The following TNFAIP8L1 variants were observed in gnomAD, a reference collection of about 807,000 sequenced individuals.
TNFAIP8L1 encodes tumor necrosis factor alpha-induced protein 8-like protein 1.
For missense variants in TNFAIP8L1, 225 were observed against 266.1 expected, an observed-to-expected ratio of 0.85 and a Z score of 1.08; for synonymous variants, 127 against 125.6, an observed-to-expected ratio of 1.01 and a Z score of -0.08.
chr19:4,649,949 C>T (rs1403729692), intron 1 of TNFAIP8L1, among the ~76,000 whole-genome samples: 1 of 152,238 alleles, frequency 6.6e-6, no homozygotes, highest in East Asian at 1.9e-4. Context: ...TGGGTGCCCA[C>T]ATGGCATTCC....
rs1373107046 is a variant in TNFAIP8L1, at chr19:4,653,846, G to C, written c.*1416G>C. On this transcript the variant is annotated 3_prime_UTR_variant, in exon 2 of 2. Coordinates refer to ENST00000327473, the MANE Select transcript of TNFAIP8L1 (RefSeq NM_152362.3). Reference sequence around the variant, plus strand: ...TAATCCCAGCTACTTGAGAGATGACGAGGGAAGATCACTTGAGCCCAGGAG... The same window carrying C: ...TAATCCCAGCTACTTGAGAGATGACCAGGGAAGATCACTTGAGCCCAGGAG... 6.6e-6 allele frequency: 1 copy of C among 150,448 alleles called. No individual in the cohort carries two copies. Among genetic ancestry groups the C allele is most frequent in the East Asian group, 1.9e-4 (1 of 5,160 alleles). The allele number at this position is 150,448 out of a possible 1,614,324, so 9.3% of individuals were successfully genotyped here. A position where few individuals can be genotyped will look rare whatever the true frequency, so the allele number is the denominator to read the frequency against.
At chr19:4,647,751 T>C (rs929073804) in intron 1 of TNFAIP8L1, among the ~76,000 whole-genome samples, 1 of 151,392 alleles carries the variant, frequency 6.6e-6, no homozygotes, top group African/African-American at 2.4e-5. Context: ...GCCTCCCGAG[T>C]ACCTGGGACC....
chr19:4,644,717 A>G (rs2088294051), intron 1 of TNFAIP8L1, among the ~76,000 whole-genome samples: 1 of 146,274 alleles, frequency 6.8e-6, no homozygotes, highest in Admixed American at 7.1e-5. Flanking sequence ...GAGTCTCGTG[A>G]CGCAGCCTCC....
chr19:4,648,924 CTTTTTTTTTT>C (rs10526236), intron 1 of TNFAIP8L1, among the ~76,000 whole-genome samples: 8 of 132,466 alleles, frequency 6.0e-5, no homozygotes, highest in Non-Finnish European at 1.1e-4. Flanking sequence ...TGCAAACATC[CTTTTTTTTTT>C]TTTTTTTTTT....
At position 4,653,991 on chromosome 19, in the gene TNFAIP8L1, A is replaced by G. The variant is rs2088399050; in HGVS notation, c.*1561A>G. 6.6e-6 allele frequency: 1 copy of G among 152,254 alleles called. No individual in the cohort carries two copies. The highest frequency in any genetic ancestry group is 6.6e-5 in the Admixed American group (1 of 15,252). 9.4% of individuals were successfully genotyped at this position (152,254 alleles called of 1,614,324 possible). A position where few individuals can be genotyped will look rare whatever the true frequency, so the allele number is the denominator to read the frequency against. On this transcript the variant is annotated 3_prime_UTR_variant, in exon 2 of 2. Coordinates refer to ENST00000327473, the MANE Select transcript of TNFAIP8L1 (RefSeq NM_152362.3). ...CACAGACATGCATGCAAGGAAGGCC[A>G]ATGATGCCGGCCACCACCAGGAGCT...
intron 1 of TNFAIP8L1, among the ~76,000 whole-genome samples, chr19:4,651,052 G>A (rs932726766): frequency 1.3e-5 from 2 of 151,898 alleles, no homozygotes; most frequent in Non-Finnish European, 2.9e-5. Context: ...GGGGGCAGTG[G>A]GACTGGAGGC....
chr19:4,652,472 C>G lies in TNFAIP8L1; in HGVS notation c.*42C>G, dbSNP rs747318018. Reference sequence around the variant, plus strand: ...ACCGCGCCCCTCGCGCCTTTTGGGGCTCTCCTGCTGGGCGCGGGTGGGGTT... The same window carrying G: ...ACCGCGCCCCTCGCGCCTTTTGGGGGTCTCCTGCTGGGCGCGGGTGGGGTT... On this transcript the variant is annotated 3_prime_UTR_variant, in exon 2 of 2. Coordinates refer to ENST00000327473, the MANE Select transcript of TNFAIP8L1 (RefSeq NM_152362.3). The G allele has an allele frequency of 3.2e-5, 47 of 1,465,934 alleles. No individual in the cohort carries two copies. The East Asian group carries it at 1.2e-3, about 37-fold the overall frequency. 90.8% of individuals were successfully genotyped at this position (1,465,934 alleles called of 1,614,324 possible). A position where few individuals can be genotyped will look rare whatever the true frequency, so the allele number is the denominator to read the frequency against.
In TNFAIP8L1 at chr19:4,655,083, TCG is replaced by T. The variant is rs1049102465; in HGVS notation, c.*2655_*2656del. 1 of 152,218 alleles carries T rather than the reference TCG, an allele frequency of 6.6e-6. No individual in the cohort carries two copies. Among genetic ancestry groups the T allele is most frequent in the African/African-American group, 2.4e-5 (1 of 41,450 alleles). The allele number at this position is 152,218 out of a possible 1,614,324, so 9.4% of individuals were successfully genotyped here. A position where few individuals can be genotyped will look rare whatever the true frequency, so the allele number is the denominator to read the frequency against. On this transcript the variant is annotated 3_prime_UTR_variant, in exon 2 of 2. Coordinates refer to ENST00000327473, the MANE Select transcript of TNFAIP8L1 (RefSeq NM_152362.3). Reference sequence around the variant, plus strand: ...TGGATTTGGAGTTTCTCTTGAAAACTCGCCAGTCCGGCCGTCTGAGCCTGCAC... The same window carrying T: ...TGGATTTGGAGTTTCTCTTGAAAACTCCAGTCCGGCCGTCTGAGCCTGCAC...
chr19:4,652,167 A>T lies in TNFAIP8L1; in HGVS notation c.298A>T (p.Thr100Ser). The change falls in exon 2 of 2, where the codon ACG becomes TCG. Residue 100 changes from threonine to serine, a missense_variant. Physicochemically the swap from Thr to Ser is moderately conservative, Grantham distance 58. Coordinates refer to ENST00000327473, the MANE Select transcript of TNFAIP8L1 (RefSeq NM_152362.3). ...FRHRARCLAM[T>S]AVSFHQVDFT... is the part of the protein sequence containing the mutation. ...CCACCGGGCGCGCTGCCTGGCCATG[A>T]CGGCCGTCAGCTTCCACCAGGTGGA... The T allele has an allele frequency of 3.2e-6, 5 of 1,552,478 alleles. No homozygotes were observed. The South Asian group carries it at 5.9e-5, about 18-fold the overall frequency.
intron 1 of TNFAIP8L1, among the ~76,000 whole-genome samples, chr19:4,650,175 G>A (rs1042220172): frequency 3.9e-5 from 6 of 152,212 alleles, no homozygotes; most frequent in Non-Finnish European, 7.3e-5. Context: ...CAGACCAGTT[G>A]GGGTGCAGAG....
chr19:4,651,978 G>T lies in TNFAIP8L1; in HGVS notation c.109G>T (p.Glu37Ter). Reference sequence around the variant, plus strand: ...CGTGCTGGTGGATGACACCAGCAGTGAGGTGCTGGATGAGCTGTACCGCGC... The same window carrying T: ...CGTGCTGGTGGATGACACCAGCAGTTAGGTGCTGGATGAGCTGTACCGCGC... ...VAVLVDDTSS[E>*]VLDELYRATR... The change falls in exon 2 of 2, where the codon GAG becomes TAG. Residue 37 changes from glutamate to a stop codon, truncating the protein, a stop_gained. Transcript: ENST00000327473. LOFTEE classifies it low-confidence loss of function (END_TRUNC). 1 of 1,614,136 alleles carries T rather than the reference G, an allele frequency of 6.2e-7. No homozygotes were observed. The highest frequency in any genetic ancestry group is 8.5e-7 in the Non-Finnish European group (1 of 1,180,006).
At chr19:4,647,799 A>G (rs2363266) in intron 1 of TNFAIP8L1, among the ~76,000 whole-genome samples, 5 of 149,710 alleles carry the variant, frequency 3.3e-5, no homozygotes. Flanking sequence ...ATTAAAAAAA[A>G]TTTTTTTTTG....
intron 1 of TNFAIP8L1, among the ~76,000 whole-genome samples, chr19:4,643,108 A>G (rs150293644): frequency 4.6e-5 from 7 of 151,826 alleles, no homozygotes; most frequent in African/African-American, 1.2e-4. Flanking sequence ...GTGAAACCCC[A>G]TCTCTACTAA....
chr19:4,640,250 G>A (rs936859108), intron 1 of TNFAIP8L1: 1 of 152,302 alleles, frequency 6.6e-6, no homozygotes, highest in Admixed American at 6.5e-5. Flanking sequence ...GGGAAACTAA[G>A]GCCTAGAAAG....
Position 4,652,195 on chromosome 19 carries a change from T to A in TNFAIP8L1, c.326T>A (p.Phe109Tyr). The A allele has an allele frequency of 6.5e-7, 1 of 1,546,380 alleles. No individual in the cohort carries two copies. Among genetic ancestry groups the A allele is most frequent in the Non-Finnish European group, 8.7e-7 (1 of 1,147,394 alleles). The change falls in exon 2 of 2, where the codon TTC becomes TAC. Residue 109 changes from phenylalanine (F) to tyrosine (Y), a missense_variant. Physicochemically the swap from Phe to Tyr is conservative, Grantham distance 22. Transcript: ENST00000327473. The part of the protein sequence containing the change: ...MTAVSFHQVD[F>Y]TFDRRVLAAG... ...GCCGTCAGCTTCCACCAGGTGGACT[T>A]CACCTTCGACCGGCGCGTGCTGGCC...
At position 4,651,858 on chromosome 19, in the gene TNFAIP8L1, C is replaced by T. The variant is rs777811211; in HGVS notation, c.-3-9C>T. On this transcript the variant is annotated splice_polypyrimidine_tract_variant and intron_variant, in intron 1 of 1. Coordinates refer to ENST00000327473, the MANE Select transcript of TNFAIP8L1 (RefSeq NM_152362.3). ...TGCAAAACTGAGGGCTGGTCTGTGT[C>T]CCCCGCAGGCCATGGACACCTTCAG... 9 of 1,586,570 alleles carry T rather than the reference C, an allele frequency of 5.7e-6. No individual in the cohort carries two copies. The Admixed American group carries it at 1.0e-4, about 18-fold the overall frequency.
intron 1 of TNFAIP8L1, among the ~76,000 whole-genome samples, chr19:4,644,980 G>C (rs944072726): frequency 6.6e-6 from 1 of 152,168 alleles, no homozygotes; most frequent in African/African-American, 2.4e-5. Context: ...CACTGGCCTC[G>C]GCGGGAAGAG....
chr19:4,650,320 G>C (rs1456455899), intron 1 of TNFAIP8L1, among the ~76,000 whole-genome samples: 1 of 151,990 alleles, frequency 6.6e-6, no homozygotes, highest in Non-Finnish European at 1.5e-5. Flanking sequence ...GCTTTGGGGG[G>C]TGTATAGGAG....
rs745903633 is a variant in TNFAIP8L1 at position 4,652,305 on chromosome 19, G to C, written c.436G>C (p.Val146Leu). The C allele has an allele frequency of 1.3e-6, 2 of 1,563,372 alleles. No homozygotes were observed. The highest frequency in any genetic ancestry group is 1.4e-5 in the African/African-American group (1 of 73,490). Residue 146 changes from valine to leucine, a missense_variant, in exon 2 of 2, where the codon GTG becomes CTG. Coordinates refer to ENST00000327473, the MANE Select transcript of TNFAIP8L1 (RefSeq NM_152362.3). ...TAKSHGRINH[V>L]FGHLADCDFL... The stretch of plus-strand genomic sequence containing the variant: ...CAAGTCCCACGGCCGCATCAACCAC[G>C]TGTTCGGCCACCTAGCCGACTGCGA...
Sources: gnomAD v4.1 joint callset for allele counts (sites outside exome capture counted in the v4.1 genomes callset) on GRCh38, gnomAD v4.1.1 for gene constraint, MANE v1.5 for transcripts, NCBI Gene and HGNC (gene_info 2026-07-23, HGNC 2026-07-21) for gene names.